Variants in HDAC8 observed in about 807,000 individuals in gnomAD.
HDAC8 encodes histone deacetylase-like 1.
HDAC8 carries 1 observed loss-of-function variant against 32.2 expected under a neutral mutation model. The observed-to-expected ratio is 0.03, with a 90% confidence interval of 0.01 to 0.15. The LOEUF is 0.15. Among genes scored for constraint, HDAC8 ranks in the 10% least tolerant of loss-of-function variants. HDAC8 has a pLI of 1.00. For missense variants in HDAC8, 117 were observed against 300.0 expected, an observed-to-expected ratio of 0.39 and a Z score of 4.51; for synonymous variants, 108 against 113.9, an observed-to-expected ratio of 0.95 and a Z score of 0.33.
chrX:72,460,159 C>T (rs1324404131), intron 9 of HDAC8, among the ~76,000 whole-genome samples: 2 of 110,203 alleles, frequency 1.8e-5, no homozygotes, highest in Admixed American at 9.7e-5. Flanking sequence ...TTTTTTGAGA[C>T]GGAGTGTCAC....
intron 7 of HDAC8, chrX:72,466,695 A>C (rs2048026232): frequency 8.9e-6 from 1 of 112,412 alleles, no homozygotes; most frequent in Non-Finnish European, 1.9e-5. Context: ...CATATGACCT[A>C]GTAATTGTAC....
chrX:72,405,085 T>C (rs889336511), intron 9 of HDAC8, among the ~76,000 whole-genome samples: 4 of 111,193 alleles, frequency 3.6e-5, no homozygotes, highest in Non-Finnish European at 7.5e-5. Flanking sequence ...TTAAGCCTAG[T>C]ACCCATTAGT....
chrX:72,476,741 G>C (rs2048346527), intron 7 of HDAC8, among the ~76,000 whole-genome samples: 1 of 111,710 alleles, frequency 9.0e-6, no homozygotes, highest in South Asian at 3.8e-4. Context: ...CCCAGCATCA[G>C]GCATATAGTA....
intron 9 of HDAC8, among the ~76,000 whole-genome samples, chrX:72,389,445 G>A (rs782444332): frequency 1.8e-4 from 20 of 111,947 alleles, no homozygotes; most frequent in Admixed American, 3.8e-4. Flanking sequence ...GCAAGATCTG[G>A]GTTCAAAATA....
In HDAC8 at chrX:72,438,155, C is replaced by T. The variant is rs782449536; in HGVS notation, c.1005+23849G>A. 3.6e-5 allele frequency among the ~76,000 whole-genome samples: 4 copies of T among 112,309 alleles called. No individual in the cohort carries two copies. In the East Asian group the frequency reaches 1.1e-3, roughly 32 times the overall value. On this transcript the variant is annotated intron_variant, in intron 9 of 10. Transcript: ENST00000373573. ...AGCTTCCAGAGGAAGGAACAAGCAA[C>T]AATCTTTGCTGTTTTGCAGCCTCCG...
At chrX:72,535,906 A>G (rs1188409125) in intron 4 of HDAC8, among the ~76,000 whole-genome samples, 2 of 112,174 alleles carry the variant, frequency 1.8e-5, no homozygotes, top group African/African-American at 6.5e-5. Flanking sequence ...TCTTTAAGAT[A>G]GTGCTGACAT....
At chrX:72,360,094 C>T (rs5958784) in intron 9 of HDAC8, among the ~76,000 whole-genome samples, 15,444 of 107,260 alleles carry the variant, frequency 0.14, 1,903 homozygotes, top group African/African-American at 0.4. Flanking sequence ...TGGTGGCTCA[C>T]GCCTGTAATC....
intron 4 of HDAC8, among the ~76,000 whole-genome samples, chrX:72,537,130 A>T (rs1178749631): frequency 1.8e-5 from 2 of 112,282 alleles, no homozygotes; most frequent in East Asian, 5.6e-4. Flanking sequence ...GACTAAAATC[A>T]TAGTTTTGGC....
chrX:72,445,407 A>G (rs2047352899), intron 9 of HDAC8, among the ~76,000 whole-genome samples: 1 of 112,043 alleles, frequency 8.9e-6, no homozygotes, highest in African/African-American at 3.3e-5. Flanking sequence ...ATCTTTGACA[A>G]ACCTGACAAA....
At chrX:72,423,392 A>G (rs1439096378) in intron 9 of HDAC8, among the ~76,000 whole-genome samples, 1 of 111,696 alleles carries the variant, frequency 9.0e-6, no homozygotes, top group East Asian at 2.8e-4. Context: ...TGCTGCTTCT[A>G]GTATTTCCCT....
intron 9 of HDAC8, among the ~76,000 whole-genome samples, chrX:72,412,064 GA>G (rs1342694092): frequency 1.8e-5 from 2 of 112,291 alleles, no homozygotes; most frequent in African/African-American, 6.5e-5. Flanking sequence ...GTGTTCAGAG[GA>G]AGAGGTTTAG....
At chrX:72,436,028 C>A (rs1187301649) in intron 9 of HDAC8, among the ~76,000 whole-genome samples, 4 of 108,822 alleles carry the variant, frequency 3.7e-5, no homozygotes, top group Admixed American at 3.0e-4. Context: ...CCAATCTAGA[C>A]AATGGAGAGA....
intron 3 of HDAC8, among the ~76,000 whole-genome samples, chrX:72,568,448 T>G (rs1458316551): frequency 7.1e-5 from 8 of 112,246 alleles, no homozygotes; most frequent in African/African-American, 2.6e-4. Context: ...AGCCAGAACA[T>G]AAATCTGTAC....
At chrX:72,518,282 G>C (rs994992512) in intron 4 of HDAC8, among the ~76,000 whole-genome samples, 3 of 111,191 alleles carry the variant, frequency 2.7e-5, no homozygotes, top group Admixed American at 9.5e-5. Context: ...AATCCCTGCT[G>C]TCATCCCTAG....
chrX:72,511,344 G>A (rs782627073), intron 4 of HDAC8, among the ~76,000 whole-genome samples: 5 of 111,427 alleles, frequency 4.5e-5, no homozygotes, highest in Admixed American at 9.5e-5. Context: ...CTGGGTAGAC[G>A]AATTAAATGT....
At chrX:72,443,308 A>G (rs1555982922) in intron 9 of HDAC8, among the ~76,000 whole-genome samples, 2 of 110,536 alleles carry the variant, frequency 1.8e-5, no homozygotes, top group East Asian at 5.6e-4. Flanking sequence ...CAGCAAATGT[A>G]AAAGAACAGA....
At chrX:72,413,291 CGG>C (rs2046251071) in intron 9 of HDAC8, among the ~76,000 whole-genome samples, 2 of 81,853 alleles carry the variant, frequency 2.4e-5, no homozygotes, top group Admixed American at 1.4e-4. Context: ...CAACAGGCCC[CGG>C]TGTGTGATGT....
intron 9 of HDAC8, among the ~76,000 whole-genome samples, chrX:72,446,651 A>T (rs185974803): frequency 2.7e-4 from 30 of 110,635 alleles, no homozygotes; most frequent in Admixed American, 1.2e-3. Flanking sequence ...TAACTTGCAC[A>T]TTGTGCACAT....
intron 9 of HDAC8, among the ~76,000 whole-genome samples, chrX:72,359,700 G>T (rs1288959481): frequency 9.0e-6 from 1 of 110,829 alleles, no homozygotes; most frequent in Non-Finnish European, 1.9e-5. Context: ...AGTACAAGGT[G>T]GGGGACAAAA....
Sources: gnomAD v4.1 joint callset for allele counts (sites outside exome capture counted in the v4.1 genomes callset) on GRCh38, gnomAD v4.1.1 for gene constraint, MANE v1.5 for transcripts, NCBI Gene and HGNC (gene_info 2026-07-23, HGNC 2026-07-21) for gene names.